ENTREP2: variants seen among roughly 807,000 people sequenced by gnomAD.
ENTREP2 encodes endosomal transmembrane epsin interactor 2.
At chr15:29,622,367 G>A in the ENTREP2 span, among the ~76,000 whole-genome samples, 48 of 151,918 alleles carry the variant, frequency 3.2e-4, no homozygotes, top group African/African-American at 8.9e-4. Context: ...GACCACGCCC[G>A]GCTAATTTTT....
the ENTREP2 span, among the ~76,000 whole-genome samples, chr15:29,621,813 T>C: frequency 3.8e-4 from 58 of 152,274 alleles, no homozygotes; most frequent in Non-Finnish European, 6.8e-4. Context: ...ATTTGTACAC[T>C]GCGTTCGAAG....
chr15:29,572,744 C>T, the ENTREP2 span, among the ~76,000 whole-genome samples: 1 of 152,000 alleles, frequency 6.6e-6, no homozygotes, highest in Non-Finnish European at 1.5e-5. Flanking sequence ...GTTGCAAGCC[C>T]CCTGTACTCA....
chr15:29,631,961 G>C, the ENTREP2 span, among the ~76,000 whole-genome samples: 32 of 152,352 alleles, frequency 2.1e-4, no homozygotes, highest in Non-Finnish European at 4.0e-4. Flanking sequence ...CTTCACTGCA[G>C]TGCTGGAGTT....
At chr15:29,216,874 A>G in the ENTREP2 span, among the ~76,000 whole-genome samples, 22 of 152,334 alleles carry the variant, frequency 1.4e-4, no homozygotes, top group African/African-American at 5.3e-4. Flanking sequence ...AAAGAAAAGA[A>G]AAGAAAAACA....
chr15:29,507,496 C>T, the ENTREP2 span, among the ~76,000 whole-genome samples: 2 of 152,248 alleles, frequency 1.3e-5, no homozygotes, highest in South Asian at 4.1e-4. Context: ...AAATTGACCA[C>T]ATAATTGGAA....
At chr15:29,223,491 G>T in the ENTREP2 span, among the ~76,000 whole-genome samples, 2 of 152,134 alleles carry the variant, frequency 1.3e-5, no homozygotes, top group Admixed American at 1.3e-4. Context: ...ATGCTAGCGG[G>T]GAGTCCAGTG....
At chr15:29,118,717 G>A in the ENTREP2 span, among the ~76,000 whole-genome samples, 1 of 152,218 alleles carries the variant, frequency 6.6e-6, no homozygotes, top group Admixed American at 6.5e-5. Flanking sequence ...GTGTGTAAAA[G>A]CCGGACCGCC....
the ENTREP2 span, among the ~76,000 whole-genome samples, chr15:29,159,837 G>A: frequency 3.3e-5 from 5 of 152,262 alleles, no homozygotes; most frequent in African/African-American, 1.2e-4. Context: ...GGTTCTCCAA[G>A]TCCCCACCAG....
At chr15:29,307,952 A>T in the ENTREP2 span, among the ~76,000 whole-genome samples, 1 of 152,230 alleles carries the variant, frequency 6.6e-6, no homozygotes. Context: ...AATACCTATT[A>T]ATGAGTTTTT....
chr15:29,284,538 CAG>C, the ENTREP2 span, among the ~76,000 whole-genome samples: 2 of 135,004 alleles, frequency 1.5e-5, no homozygotes, highest in Admixed American at 8.0e-5. Flanking sequence ...GCCTGGGTGA[CAG>C]AGAGAGACTC....
At chr15:29,303,556 G>T in the ENTREP2 span, among the ~76,000 whole-genome samples, 2 of 152,048 alleles carry the variant, frequency 1.3e-5, no homozygotes, top group East Asian at 3.9e-4. Context: ...ATGGCATGTT[G>T]TTGGGGGTTG....
chr15:29,199,579 G>A, the ENTREP2 span, among the ~76,000 whole-genome samples: 1 of 152,132 alleles, frequency 6.6e-6, no homozygotes, highest in East Asian at 1.9e-4. Flanking sequence ...TAGGAACAGA[G>A]ACACTAAACA....
At chr15:29,356,532 C>T in the ENTREP2 span, among the ~76,000 whole-genome samples, 1 of 151,314 alleles carries the variant, frequency 6.6e-6, no homozygotes, top group African/African-American at 2.4e-5. Context: ...GTCTTGATCT[C>T]CTGACCTCGT....
the ENTREP2 span, among the ~76,000 whole-genome samples, chr15:29,338,075 A>T: frequency 6.6e-6 from 1 of 152,170 alleles, no homozygotes; most frequent in Non-Finnish European, 1.5e-5. Context: ...TCATACATGT[A>T]CGTATATCAT....
At chr15:29,258,185 C>T in the ENTREP2 span, among the ~76,000 whole-genome samples, 1 of 142,922 alleles carries the variant, frequency 7.0e-6, no homozygotes, top group African/African-American at 2.7e-5. Context: ...TGCACTCTAG[C>T]CTGGGTGACA....
chr15:29,193,913 T>G, the ENTREP2 span, among the ~76,000 whole-genome samples: 1 of 152,268 alleles, frequency 6.6e-6, no homozygotes, highest in East Asian at 1.9e-4. Flanking sequence ...TAAGCATAAC[T>G]ATTACAAAAT....
At chr15:29,606,886 T>TACGG in the ENTREP2 span, among the ~76,000 whole-genome samples, 5 of 152,010 alleles carry the variant, frequency 3.3e-5, no homozygotes, top group Admixed American at 3.3e-4. Context: ...CTGGAGTGAG[T>TACGG]ACAGTGGTAC....
the ENTREP2 span, among the ~76,000 whole-genome samples, chr15:29,622,234 T>C: frequency 1.3e-5 from 2 of 152,078 alleles, no homozygotes; most frequent in Non-Finnish European, 2.9e-5. Flanking sequence ...TGAGATGGAG[T>C]CTAGCTCTGT....
chr15:29,515,161 G>A, the ENTREP2 span, among the ~76,000 whole-genome samples: 17 of 152,210 alleles, frequency 1.1e-4, no homozygotes, highest in African/African-American at 4.1e-4. Flanking sequence ...CTCAACCATG[G>A]AACAAATCCT....
Sources: allele counts gnomAD v4.1 joint callset (sites outside exome capture counted in the v4.1 genomes callset), GRCh38; gene constraint gnomAD v4.1.1; transcripts MANE v1.5; gene names NCBI Gene and HGNC (gene_info 2026-07-23, HGNC 2026-07-21).